The following KBTBD12 variants were observed in gnomAD, a reference collection of about 807,000 sequenced individuals.
The protein encoded by KBTBD12 is kelch repeat and BTB domain-containing protein 12.
KBTBD12 carries 53 observed loss-of-function variants against 58.7 expected under a neutral mutation model. The observed-to-expected ratio is 0.90, with a 90% CI of 0.72 to 1.14. The LOEUF is 1.14. Among genes scored for constraint, KBTBD12 ranks in the 50% most tolerant of loss-of-function variants. The pLI, the probability that KBTBD12 is intolerant of heterozygous loss-of-function variation, is 0.00. For missense variants in KBTBD12, 704 were observed against 751.3 expected, an observed-to-expected ratio of 0.94 and a Z score of 0.74; for synonymous variants, 236 against 259.8, an observed-to-expected ratio of 0.91 and a Z score of 0.88.
chr3:127,980,192 G>A (rs1232473376), intron 5 of KBTBD12, among the ~76,000 whole-genome samples: 1 of 152,158 alleles, frequency 6.6e-6, no homozygotes, highest in Non-Finnish European at 1.5e-5. Flanking sequence ...TAGAACAAGA[G>A]AAGATAAAAC....
intron 4 of KBTBD12, among the ~76,000 whole-genome samples, chr3:127,941,224 GA>G (rs1939943243): frequency 6.6e-6 from 1 of 152,076 alleles, no homozygotes; most frequent in African/African-American, 2.4e-5. Context: ...AGACAGTACA[GA>G]AAAAGAAAAC....
intron 5 of KBTBD12, among the ~76,000 whole-genome samples, chr3:127,970,113 CAT>C (rs1301496029): frequency 6.6e-6 from 1 of 152,004 alleles, no homozygotes; most frequent in African/African-American, 2.4e-5. Flanking sequence ...AAAAAGATAA[CAT>C]ATTTTTAATG....
intron 5 of KBTBD12, chr3:127,963,783 G>T: frequency 6.3e-6 from 1 of 157,486 alleles, no homozygotes. Flanking sequence ...AAGAGAAATG[G>T]GAGAGGTAGC....
intron 1 of KBTBD12, among the ~76,000 whole-genome samples, chr3:127,921,597 G>A (rs531980760): frequency 6.6e-6 from 1 of 152,232 alleles, no homozygotes; most frequent in African/African-American, 2.4e-5. Context: ...ATTTCCATCA[G>A]TAAATTCATT....
At chr3:127,917,230 A>G (rs890978942) in intron 1 of KBTBD12, among the ~76,000 whole-genome samples, 2 of 152,224 alleles carry the variant, frequency 1.3e-5, no homozygotes, top group African/African-American at 4.8e-5. Context: ...AGAGCTTCTG[A>G]CTGACCCATC....
intron 4 of KBTBD12, among the ~76,000 whole-genome samples, chr3:127,942,929 A>G (rs1167405913): frequency 1.3e-5 from 2 of 152,130 alleles, no homozygotes; most frequent in Non-Finnish European, 2.9e-5. Context: ...TCCCAGGGGC[A>G]TGCTGGCTTT....
At chr3:127,981,306 T>C (rs1347363772) in intron 5 of KBTBD12, among the ~76,000 whole-genome samples, 1 of 152,246 alleles carries the variant, frequency 6.6e-6, no homozygotes, top group Admixed American at 6.5e-5. Flanking sequence ...CTGGACCTGT[T>C]ACCTTTTCTA....
Position 127,930,430 on chromosome 3 carries a change from T to C in KBTBD12, c.1492+147T>C. The C allele has an allele frequency of 4.1e-6, 3 of 736,400 alleles. No homozygotes were observed. In the African/African-American group the frequency reaches 5.3e-5, roughly 13 times the overall value. The allele number at this position is 736,400 out of a possible 1,614,324, so 45.6% of individuals were successfully genotyped here. ...TGAACTTTGTCTTTTATTTCTTGTT[T>C]TCTAGAGTACAGTCAAATAAGATTA... is the stretch of plus-strand genomic sequence containing the variant. On this transcript the variant is annotated intron_variant, in intron 4 of 5. Coordinates refer to ENST00000405109, the MANE Select transcript of KBTBD12 (RefSeq NM_207335.4).
chr3:127,979,386 T>C (rs899706118), intron 5 of KBTBD12, among the ~76,000 whole-genome samples: 1 of 152,188 alleles, frequency 6.6e-6, no homozygotes, highest in African/African-American at 2.4e-5. Context: ...CAGAAGCTAT[T>C]GGAAATAGTA....
chr3:127,982,685 C>T (rs753335539), intron 5 of KBTBD12, among the ~76,000 whole-genome samples: 1 of 152,228 alleles, frequency 6.6e-6, no homozygotes, highest in Non-Finnish European at 1.5e-5. Flanking sequence ...TCCCTGCTGC[C>T]TCCCTGCTAA....
At position 127,923,882 on chromosome 3, in the gene KBTBD12, C is replaced by T. The variant is rs1421111255; in HGVS notation, c.821C>T (p.Thr274Ile). The change falls in exon 2 of 6, where the codon ACC becomes ATC. Residue 274 changes from threonine to isoleucine, a missense_variant. Physicochemically the swap from Thr to Ile is moderately conservative, Grantham distance 89. Transcript: ENST00000405109. ...AATCTGCGCTATGGTATGGAGACTA[C>T]CAGTCTTCTGCTTTGCATTGGCAAC... ...SLNLRYGMETTSLLLCIGNNS... is the reference protein window; with the variant it reads ...SLNLRYGMETISLLLCIGNNS... 2.5e-6 allele frequency: 4 copies of T among 1,613,762 alleles called. No homozygotes were observed. The highest frequency in any genetic ancestry group is 3.4e-6 in the Non-Finnish European group (4 of 1,179,812).
At chr3:127,974,500 A>T (rs1940742837) in intron 5 of KBTBD12, among the ~76,000 whole-genome samples, 1 of 152,132 alleles carries the variant, frequency 6.6e-6, no homozygotes, top group Non-Finnish European at 1.5e-5. Context: ...CATGAAGGGA[A>T]TGTCCTTCAA....
Position 127,983,902 on chromosome 3 carries a change from T to A in KBTBD12, c.1691-195T>A, listed in dbSNP as rs554387709. 5.1e-4 allele frequency among the ~76,000 whole-genome samples: 78 copies of A among 152,176 alleles called. 1 individual carries two copies. Among genetic ancestry groups the A allele is most frequent in the Non-Finnish European group, 7.9e-4 (54 of 67,994 alleles). ...CAGATGCAGATCCCCAGTCTTGAAC[T>A]CTCCAGCCACCAGAATCGTGAGCCA... On this transcript the variant is annotated intron_variant, in intron 5 of 5. Coordinates refer to ENST00000405109, the MANE Select transcript of KBTBD12 (RefSeq NM_207335.4).
At chr3:127,928,101 G>A (rs753383994) in intron 3 of KBTBD12, 67 bp downstream of exon 3, 1 of 1,328,480 alleles carries the variant, frequency 7.5e-7, no homozygotes, top group Non-Finnish European at 1.1e-6. Context: ...GTTAAACATT[G>A]TTGTAGTTGT....
intron 5 of KBTBD12, among the ~76,000 whole-genome samples, chr3:127,965,349 G>C (rs140536028): frequency 4.5e-4 from 69 of 152,220 alleles, no homozygotes; most frequent in African/African-American, 1.6e-3. Flanking sequence ...TACTATATGA[G>C]CTCTCAAAGT....
At chr3:127,939,045 T>A (rs907138448) in intron 4 of KBTBD12, among the ~76,000 whole-genome samples, 2 of 152,200 alleles carry the variant, frequency 1.3e-5, no homozygotes, top group South Asian at 4.1e-4. Context: ...AGAAAATCTG[T>A]CTGGCTCCGG....
At chr3:127,948,344 G>GGTGGA (rs112058735) in intron 4 of KBTBD12, among the ~76,000 whole-genome samples, 89,223 of 151,632 alleles carry the variant, frequency 0.59, 27,284 homozygotes, top group African/African-American at 0.75. Flanking sequence ...GGAAGCTGAG[G>GGTGGA]GCCAGTAGCC....
chr3:127,957,507 T>C (rs898754656), intron 4 of KBTBD12, among the ~76,000 whole-genome samples: 4 of 152,258 alleles, frequency 2.6e-5, no homozygotes, highest in Non-Finnish European at 5.9e-5. Flanking sequence ...GCAGTCATTT[T>C]TCTCAGGATC....
At chr3:127,929,987 A>G (rs1365903643) in intron 3 of KBTBD12, 146 bp from the exon 4 acceptor site, 6 of 647,888 alleles carry the variant, frequency 9.3e-6, no homozygotes, top group Admixed American at 2.9e-5. Flanking sequence ...AACCCCCGTC[A>G]TGGGGTTTGG....
Sources: gnomAD v4.1 joint callset for allele counts (sites outside exome capture counted in the v4.1 genomes callset) on GRCh38, gnomAD v4.1.1 for gene constraint, MANE v1.5 for transcripts, NCBI Gene and HGNC (gene_info 2026-07-23, HGNC 2026-07-21) for gene names.